Variants in PTPRQ observed in about 807,000 individuals in gnomAD.
PTPRQ encodes protein tyrosine phosphatase receptor type Q, also known as phosphatidylinositol phosphatase PTPRQ.
PTPRQ carries 199 observed loss-of-function variants against 246.0 expected under a neutral mutation model. The observed-to-expected ratio is 0.81, with a 90% CI of 0.72 to 0.91. The LOEUF (loss-of-function observed/expected upper bound fraction) is 0.91, where lower values mean the gene tolerates loss of function less well. Ranked by LOEUF, PTPRQ falls within the 40% of genes least tolerant of loss-of-function variation. PTPRQ has a pLI of 0.00. For synonymous variants in PTPRQ, 869 were observed against 853.2 expected (o/e 1.02, Z -0.32); for missense variants, 2,624 against 2,528.4 (o/e 1.04, Z -0.81).
rs150592597 is a variant in PTPRQ, at chr12:80,460,916, T to G, written c.910+14T>G. On this transcript the variant is annotated intron_variant, in intron 6 of 44. Coordinates refer to ENST00000644991, the MANE Select transcript of PTPRQ (RefSeq NM_001145026.2). ...CACCAGAATCAGGTATGGTTCACTT[T>G]TTGTAGATAAAAAGATTTAAATGAT... is the stretch of plus-strand genomic sequence containing the variant. 4.8e-4 allele frequency: 191 copies of G among 400,458 alleles called. No homozygotes were observed. The highest frequency in any genetic ancestry group is 3.5e-3 in the African/African-American group (170 of 48,830). 24.8% of individuals were successfully genotyped at this position (400,458 alleles called of 1,614,324 possible).
intron 16 of PTPRQ, among the ~76,000 whole-genome samples, chr12:80,507,505 C>A (rs919927151): frequency 2.0e-5 from 3 of 151,838 alleles, no homozygotes; most frequent in East Asian, 1.9e-4. Flanking sequence ...CTGTTAAGGG[C>A]AGAATGTGCT....
chr12:80,600,471 C>T (rs1413278786), intron 26 of PTPRQ, among the ~76,000 whole-genome samples: 1 of 151,728 alleles, frequency 6.6e-6, no homozygotes, highest in African/African-American at 2.4e-5. Flanking sequence ...CCCGAAGAAG[C>T]CATTATAGAG....
intron 17 of PTPRQ, among the ~76,000 whole-genome samples, chr12:80,513,843 G>A (rs2120727576): frequency 6.6e-6 from 1 of 152,266 alleles, no homozygotes; most frequent in African/African-American, 2.4e-5. Context: ...GCATGTCTGT[G>A]TTGAACCTCA....
intron 9 of PTPRQ, 45 bp downstream of exon 9, chr12:80,484,650 G>A: frequency 6.5e-7 from 1 of 1,534,948 alleles, no homozygotes; most frequent in Non-Finnish European, 8.8e-7. Flanking sequence ...TTTCTGCTTG[G>A]TTCTGGCTCT....
Position 80,506,671 on chromosome 12 carries a change from G to T in PTPRQ, c.2557+1G>T. On this transcript the variant is annotated splice_donor_variant, in intron 16 of 44. Coordinates refer to ENST00000644991, the MANE Select transcript of PTPRQ (RefSeq NM_001145026.2). LOFTEE classifies it high-confidence loss of function. ...ATAAGTATACTGACGGAGGAAGATGGTAAATATAATAGTGGATATTGATAT... is the reference window on the plus strand; with the variant it reads ...ATAAGTATACTGACGGAGGAAGATGTTAAATATAATAGTGGATATTGATAT... The T allele has an allele frequency of 6.5e-7, 1 of 1,538,792 alleles. No individual in the cohort carries two copies. The highest frequency in any genetic ancestry group is 8.8e-7 in the Non-Finnish European group (1 of 1,139,366).
intron 33 of PTPRQ, among the ~76,000 whole-genome samples, chr12:80,630,529 G>A (rs1899388069): frequency 6.6e-6 from 1 of 152,054 alleles, no homozygotes; most frequent in South Asian, 2.1e-4. Flanking sequence ...AGTAGGCTTG[G>A]TGGCAGCAAC....
At chr12:80,667,599 C>A (rs965243844) in intron 39 of PTPRQ, among the ~76,000 whole-genome samples, 1 of 151,594 alleles carries the variant, frequency 6.6e-6, no homozygotes, top group East Asian at 1.9e-4. Context: ...AGTGATGAAC[C>A]CCCAGCTCCT....
intron 37 of PTPRQ, 140 bp from the exon 38 acceptor site, chr12:80,652,604 A>T (rs966476588): frequency 3.9e-5 from 31 of 793,088 alleles, no homozygotes; most frequent in Non-Finnish European, 5.2e-5. Flanking sequence ...TGTTAACTTG[A>T]CCTTGTTTCC....
intron 2 of PTPRQ, among the ~76,000 whole-genome samples, chr12:80,445,169 T>C (rs1296920987): frequency 6.6e-6 from 1 of 151,980 alleles, no homozygotes; most frequent in African/African-American, 2.4e-5. Flanking sequence ...GATTATTCCA[T>C]TTGTAAGATT....
At chr12:80,631,347 C>T (rs907740170) in intron 33 of PTPRQ, among the ~76,000 whole-genome samples, 3 of 151,702 alleles carry the variant, frequency 2.0e-5, no homozygotes, top group African/African-American at 7.3e-5. Context: ...ATGTGGCCTC[C>T]GAATTGAAGA....
Position 80,539,954 on chromosome 12 carries a change from CA to C in PTPRQ, c.3154+16del. 1.2e-5 allele frequency: 17 copies of C among 1,455,298 alleles called. No homozygotes were observed. Among genetic ancestry groups the C allele is most frequent in the Non-Finnish European group, 1.3e-5 (14 of 1,102,168 alleles). 90.1% of individuals were successfully genotyped at this position (1,455,298 alleles called of 1,614,324 possible). ...TACACAGATCAAGACAGTATGTAAA[CA>C]AAAAACACTAATCTTTAATATGATT... On this transcript the variant is annotated intron_variant, in intron 20 of 44. Coordinates refer to ENST00000644991, the MANE Select transcript of PTPRQ (RefSeq NM_001145026.2).
intron 17 of PTPRQ, among the ~76,000 whole-genome samples, chr12:80,511,196 G>A (rs747910203): frequency 4.6e-5 from 7 of 152,114 alleles, no homozygotes; most frequent in Non-Finnish European, 8.8e-5. Flanking sequence ...GAGATGCCAT[G>A]ATGTTTTAAA....
At chr12:80,642,982 A>G (rs1156760264) in intron 35 of PTPRQ, among the ~76,000 whole-genome samples, 2 of 148,918 alleles carry the variant, frequency 1.3e-5, no homozygotes, top group Non-Finnish European at 1.5e-5. Context: ...GCACTGTTTT[A>G]GGCACTGGGA....
Position 80,495,087 on chromosome 12 carries a change from T to C in PTPRQ, c.1695T>C (p.Arg565=), listed in dbSNP as rs147326297. 1.6e-5 allele frequency: 25 copies of C among 1,550,500 alleles called. No individual in the cohort carries two copies. The African/African-American group carries it at 2.1e-4, about 13-fold the overall frequency. The change falls in exon 11 of 45, where the codon CGT becomes CGC. Residue 565 remains arginine (R), a synonymous_variant. Coordinates refer to ENST00000644991, the MANE Select transcript of PTPRQ (RefSeq NM_001145026.2). ...GPPTVLSVRT[R]QQVPSSIKII... ...CAACAGTTCTCAGTGTTAGGACACG[T>C]CAGCAAGGTAAGGATGTATTTCCTT...
At chr12:80,546,203 C>T (rs1385411723) in intron 23 of PTPRQ, among the ~76,000 whole-genome samples, 1 of 151,924 alleles carries the variant, frequency 6.6e-6, no homozygotes, top group Non-Finnish European at 1.5e-5. Context: ...CCTGTAATCC[C>T]AGCTACTTGG....
chr12:80,453,288 C>T (rs998420827), intron 3 of PTPRQ, among the ~76,000 whole-genome samples: 26 of 152,110 alleles, frequency 1.7e-4, no homozygotes, highest in Non-Finnish European at 3.2e-4. Context: ...TCATAGTTTT[C>T]AACTTCTTTG....
chr12:80,553,289 T>C (rs1465111437), intron 25 of PTPRQ, among the ~76,000 whole-genome samples: 3 of 152,132 alleles, frequency 2.0e-5, no homozygotes, highest in Non-Finnish European at 4.4e-5. Flanking sequence ...TTGATTTTTA[T>C]TTTTAAAATT....
intron 17 of PTPRQ, among the ~76,000 whole-genome samples, chr12:80,514,777 T>C (rs965546341): frequency 6.8e-6 from 1 of 146,592 alleles, no homozygotes; most frequent in Non-Finnish European, 1.5e-5. Context: ...TTATTATATA[T>C]AATTGTTATA....
chr12:80,667,033 T>C (rs1287059835), intron 39 of PTPRQ, among the ~76,000 whole-genome samples: 1 of 152,018 alleles, frequency 6.6e-6, no homozygotes, highest in South Asian at 2.1e-4. Context: ...AGTGACTTTC[T>C]GTGTCATTCA....
Sources: gnomAD v4.1 joint callset for allele counts (sites outside exome capture counted in the v4.1 genomes callset) on GRCh38, gnomAD v4.1.1 for gene constraint, MANE v1.5 for transcripts, NCBI Gene and HGNC (gene_info 2026-07-23, HGNC 2026-07-21) for gene names.